The following MYT1L variants were observed in gnomAD, a reference collection of about 807,000 sequenced individuals.
MYT1L encodes the protein myelin transcription factor 1 like, also known as myelin transcription factor 1-like protein.
In MYT1L, 12 loss-of-function variants were observed where a neutral mutation model predicts 126.7. The ratio of observed to expected loss-of-function variants is 0.09; its 90% CI spans 0.06 to 0.15. The LOEUF is 0.15. Ranked by LOEUF, MYT1L falls within the 10% of genes least tolerant of loss-of-function variation. The probability of loss-of-function intolerance (pLI) is 1.00; values close to 1 mark genes in which losing one functional copy is unlikely to be tolerated. For missense variants in MYT1L, 979 were observed against 1,585.2 expected (o/e 0.62, Z 6.49); for synonymous variants, 541 against 604.2 (o/e 0.90, Z 1.53).
intron 3 of MYT1L, among the ~76,000 whole-genome samples, chr2:2,078,910 A>C (rs981053708): frequency 1.3e-5 from 2 of 152,224 alleles, no homozygotes; most frequent in Admixed American, 1.3e-4. Context: ...CTAACCCCCA[A>C]GGTAATGGTA....
At chr2:1,969,474 G>C (rs1288882799) in intron 8 of MYT1L, among the ~76,000 whole-genome samples, 1 of 152,208 alleles carries the variant, frequency 6.6e-6, no homozygotes, top group Non-Finnish European at 1.5e-5. Context: ...TGGAGGGGTG[G>C]CTAAAACCCA....
At chr2:2,152,194 T>G (rs955444428) in intron 3 of MYT1L, among the ~76,000 whole-genome samples, 3 of 152,244 alleles carry the variant, frequency 2.0e-5, no homozygotes, top group Non-Finnish European at 4.4e-5. Flanking sequence ...ACTGTGACCG[T>G]TGACCTGATC....
intron 3 of MYT1L, among the ~76,000 whole-genome samples, chr2:2,133,033 G>A (rs917579283): frequency 6.6e-6 from 1 of 152,032 alleles, no homozygotes; most frequent in Non-Finnish European, 1.5e-5. Context: ...AAGGAGGAGA[G>A]GTATGCTTCT....
At chr2:2,244,969 T>C (rs537622501) in intron 2 of MYT1L, among the ~76,000 whole-genome samples, 2 of 152,328 alleles carry the variant, frequency 1.3e-5, no homozygotes, top group Non-Finnish European at 2.9e-5. Context: ...ATGTGCAACA[T>C]TGTATCCTGT....
intron 3 of MYT1L, among the ~76,000 whole-genome samples, chr2:2,082,084 G>A (rs1243244630): frequency 6.6e-6 from 1 of 152,140 alleles, no homozygotes; most frequent in Non-Finnish European, 1.5e-5. Flanking sequence ...GGATCAAAAA[G>A]GCTGATAGAA....
rs563619819 is a variant in MYT1L, at chr2:2,039,125, G to A, written c.-158+14853C>T. Among the ~76,000 whole-genome samples the A allele has an allele frequency of 1.2e-4, 19 of 152,284 alleles. No individual in the cohort carries two copies. In the South Asian group the frequency reaches 2.5e-3, roughly 20 times the overall value. On this transcript the variant is annotated intron_variant, in intron 4 of 24. Transcript: ENST00000647738. ...ACCGGGGGAATGAACAGAATCTCACGGAGCGCATTTTCCCCAATATTGATA... is the reference window on the plus strand; with the variant it reads ...ACCGGGGGAATGAACAGAATCTCACAGAGCGCATTTTCCCCAATATTGATA...
chr2:1,902,767 T>C (rs566903164), intron 14 of MYT1L: 1 of 365,744 alleles, frequency 2.7e-6, no homozygotes, highest in Admixed American at 4.1e-5. Context: ...AAGGGCACTG[T>C]CTTCCCAGTA....
intron 3 of MYT1L, among the ~76,000 whole-genome samples, chr2:2,154,013 G>A (rs1266099009): frequency 3.9e-5 from 6 of 152,168 alleles, no homozygotes; most frequent in East Asian, 1.9e-4. Context: ...CCTCTGGACC[G>A]GATGGCAGGA....
chr2:2,004,323 G>GTTCTTTCCTGCATGCA (rs2062865244), intron 4 of MYT1L, among the ~76,000 whole-genome samples: 1 of 128,370 alleles, frequency 7.8e-6, no homozygotes, highest in Non-Finnish European at 1.6e-5. Context: ...TCCTGCAGGC[G>GTTCTTTCCTGCATGCA]TTCTTTCCTG....
At chr2:1,834,987 G>A (rs55796092) in intron 21 of MYT1L, among the ~76,000 whole-genome samples, 7 of 123,856 alleles carry the variant, frequency 5.7e-5, no homozygotes, top group African/African-American at 1.6e-4. Flanking sequence ...CATACCACGG[G>A]GATGGATACA....
intron 2 of MYT1L, among the ~76,000 whole-genome samples, chr2:2,277,162 T>C (rs755964213): frequency 1.8e-4 from 27 of 152,030 alleles, no homozygotes; most frequent in Non-Finnish European, 3.1e-4. Flanking sequence ...TTTTTGTATT[T>C]TTTTTAGTAG....
At chr2:2,117,554 T>A (rs1233905805) in intron 3 of MYT1L, among the ~76,000 whole-genome samples, 1 of 152,194 alleles carries the variant, frequency 6.6e-6, no homozygotes, top group East Asian at 1.9e-4. Flanking sequence ...GCCCTCACTC[T>A]GGTATTGGGC....
Position 1,979,275 on chromosome 2 carries a change from A to T in MYT1L, c.90-48T>A, listed in dbSNP as rs1558612391. On this transcript the variant is annotated intron_variant, in intron 7 of 24. Coordinates refer to ENST00000647738, the MANE Select transcript of MYT1L (RefSeq NM_001303052.2). This position sits in a 1 kb window ranked among gnomAD's most constrained non-coding sequence, Gnocchi z 4.0. ...ACACGGTGCCGCAGGCAGGCAGGTG[A>T]GACGGAAAGCTTCCGTGGCAGCAGA... 4.5e-6 allele frequency: 7 copies of T among 1,549,168 alleles called. No homozygotes were observed. The highest frequency in any genetic ancestry group is 6.2e-6 in the Non-Finnish European group (7 of 1,123,838).
At chr2:1,991,274 C>T (rs763067519) in intron 5 of MYT1L, among the ~76,000 whole-genome samples, 5 of 152,222 alleles carry the variant, frequency 3.3e-5, no homozygotes, top group East Asian at 1.9e-4. Context: ...CAGCCCCTGC[C>T]GCCGCCCCCT....
intron 3 of MYT1L, among the ~76,000 whole-genome samples, chr2:2,163,669 T>C (rs2088450772): frequency 6.6e-6 from 1 of 151,440 alleles, no homozygotes; most frequent in South Asian, 2.1e-4. Flanking sequence ...GAGGCGGGGC[T>C]TGCAGTGAGC....
chr2:2,079,723 C>T (rs1224290994), intron 3 of MYT1L, among the ~76,000 whole-genome samples: 3 of 151,942 alleles, frequency 2.0e-5, no homozygotes, highest in Middle Eastern at 3.5e-3. Flanking sequence ...CAGAGAATGG[C>T]GTGAACCCGG....
intron 3 of MYT1L, among the ~76,000 whole-genome samples, chr2:2,054,943 A>C (rs908768445): frequency 6.6e-6 from 1 of 151,820 alleles, no homozygotes; most frequent in South Asian, 2.1e-4. Flanking sequence ...GATACATGGA[A>C]ATGAGATGCA....
chr2:2,146,447 T>C (rs2084888790), intron 3 of MYT1L, among the ~76,000 whole-genome samples: 1 of 152,004 alleles, frequency 6.6e-6, no homozygotes, highest in African/African-American at 2.4e-5. Context: ...CCTCCTAAGG[T>C]GAGGGCTGCG....
chr2:2,006,639 G>A (rs2063355878), intron 4 of MYT1L, among the ~76,000 whole-genome samples: 1 of 152,038 alleles, frequency 6.6e-6, no homozygotes, highest in Non-Finnish European at 1.5e-5. Context: ...GCAGTGGCGT[G>A]ATCTCGGCTC....
Sources: gnomAD v4.1 joint callset for allele counts (sites outside exome capture counted in the v4.1 genomes callset) on GRCh38, gnomAD v4.1.1 for gene constraint, Gnocchi (gnomAD v3.1) non-coding constraint, MANE v1.5 for transcripts, NCBI Gene and HGNC (gene_info 2026-07-23, HGNC 2026-07-21) for gene names.